Variants in GTF3C5 observed in about 807,000 individuals in gnomAD.
GTF3C5 encodes the protein general transcription factor 3C polypeptide 5.
GTF3C5 carries 47 observed loss-of-function variants against 61.0 expected under a neutral mutation model. The ratio of observed to expected loss-of-function variants is 0.77; its 90% CI spans 0.61 to 0.98. The LOEUF is 0.98. Among genes scored for constraint, GTF3C5 ranks in the 50% least tolerant of loss-of-function variants. The probability of loss-of-function intolerance (pLI) is 0.00; values close to 1 mark genes in which losing one functional copy is unlikely to be tolerated. For missense variants in GTF3C5, 659 were observed against 703.3 expected, an observed-to-expected ratio of 0.94 and a Z score of 0.71; for synonymous variants, 295 against 275.4, an observed-to-expected ratio of 1.07 and a Z score of -0.71.
chr9:133,043,174 A>T (rs1210452601), intron 2 of GTF3C5, among the ~76,000 whole-genome samples: 2 of 152,212 alleles, frequency 1.3e-5, no homozygotes, highest in African/African-American at 4.8e-5. Context: ...GGCATTTTTA[A>T]TGGCAGTCAT....
At position 133,058,036 on chromosome 9, in the gene GTF3C5, G is replaced by C; in HGVS notation, c.*56G>C. On this transcript the variant is annotated 3_prime_UTR_variant, in exon 11 of 11. Transcript: ENST00000372097. ...GCCAGACTGGTGTCTGGCCTAATGA[G>C]GGAGCCGGGGCTCCCCATTGCCACC... is the stretch of plus-strand genomic sequence containing the variant. The C allele has an allele frequency of 6.2e-7, 1 of 1,602,092 alleles. No individual in the cohort carries two copies. Among genetic ancestry groups the C allele is most frequent in the Non-Finnish European group, 8.5e-7 (1 of 1,175,136 alleles).
Position 133,056,787 on chromosome 9 carries a change from C to A in GTF3C5, c.1272C>A (p.Arg424=), listed in dbSNP as rs1829951517. 3 of 1,608,208 alleles carry A rather than the reference C, an allele frequency of 1.9e-6. No individual in the cohort carries two copies. Among genetic ancestry groups the A allele is most frequent in the Non-Finnish European group, 2.5e-6 (3 of 1,177,156 alleles). ...CCAGGTTGCAGAAGATCATTCACCG[C>A]AATGACGGGGCAGAGAATTCCTGCA... ...NVEELQKIIH[R]NDGAENSCTE... Residue 424 remains arginine (R), a synonymous_variant, in exon 10 of 11, where the codon CGC becomes CGA. Transcript: ENST00000372097.
Position 133,058,202 on chromosome 9 carries a change from G to T in GTF3C5, c.*222G>T. 1.5e-6 allele frequency: 2 copies of T among 1,333,104 alleles called. No homozygotes were observed. The highest frequency in any genetic ancestry group is 1.9e-6 in the Non-Finnish European group (2 of 1,037,466). The allele number at this position is 1,333,104 out of a possible 1,614,324, so 82.6% of individuals were successfully genotyped here. On this transcript the variant is annotated 3_prime_UTR_variant, in exon 11 of 11. Transcript: ENST00000372097. ...GAGGGGTTAGGGACATCCCCAAAGG[G>T]TATACCCTGGCTCTGCCACCCATGA...
At chr9:133,043,324 C>T (rs1048970253) in intron 2 of GTF3C5, among the ~76,000 whole-genome samples, 1 of 152,222 alleles carries the variant, frequency 6.6e-6, no homozygotes, top group African/African-American at 2.4e-5. Flanking sequence ...TCTGGACTGG[C>T]AGCATCAGCC....
intron 2 of GTF3C5, among the ~76,000 whole-genome samples, chr9:133,042,616 CA>C (rs1000375059): frequency 2.6e-5 from 4 of 152,200 alleles, no homozygotes; most frequent in African/African-American, 9.6e-5. Flanking sequence ...GTCTTTCCCC[CA>C]CCACAGTGTT....
chr9:133,031,020 G>T lies in GTF3C5; in HGVS notation c.9G>T (p.Ala3=). 1 of 1,612,074 alleles carries T rather than the reference G, an allele frequency of 6.2e-7. No individual in the cohort carries two copies. The highest frequency in any genetic ancestry group is 8.5e-7 in the Non-Finnish European group (1 of 1,179,094). ...CTGCCAGACGCACAGGGATGGCGGC[G>T]GAGGCGGCCGATTTGGGGCTGGGGG... is the stretch of plus-strand genomic sequence containing the variant. MA[A]EAADLGLGAA... Residue 3 remains alanine (A), a synonymous_variant, in exon 1 of 11, where the codon GCG becomes GCT. Transcript: ENST00000372097.
At position 133,034,066 on chromosome 9, in the gene GTF3C5, C is replaced by T. The variant is rs118173858; in HGVS notation, c.153+2902C>T. Among the ~76,000 whole-genome samples the T allele has an allele frequency of 7.5e-3, 1,135 of 152,208 alleles. 48 individuals carry two copies. Among genetic ancestry groups the T allele is most frequent in the Admixed American group, 0.061 (928 of 15,294 alleles). Reference sequence around the variant, plus strand: ...CGTCCTGTAACATCTGCTCCTAACCCGTACCGTCCGAATACAGAGGGTTCT... The same window carrying T: ...CGTCCTGTAACATCTGCTCCTAACCTGTACCGTCCGAATACAGAGGGTTCT... On this transcript the variant is annotated intron_variant, in intron 1 of 10. Coordinates refer to ENST00000372097, the MANE Select transcript of GTF3C5 (RefSeq NM_012087.4).
chr9:133,054,157 T>C (rs1314273452), intron 6 of GTF3C5, among the ~76,000 whole-genome samples: 2 of 152,182 alleles, frequency 1.3e-5, no homozygotes, highest in African/African-American at 4.8e-5. Flanking sequence ...TGAACCACAG[T>C]CCCTCATTAA....
chr9:133,042,388 T>A (rs1285485039), intron 2 of GTF3C5, 82 bp downstream of exon 2: 1 of 927,962 alleles, frequency 1.1e-6, no homozygotes. Flanking sequence ...GTGGGTCATC[T>A]GCACCAGTGG....
intron 1 of GTF3C5, among the ~76,000 whole-genome samples, chr9:133,041,464 T>TCTCC (rs1420009781): frequency 6.6e-6 from 1 of 151,058 alleles, no homozygotes; most frequent in African/African-American, 2.4e-5. Context: ...TGTCTCTCTC[T>TCTCC]CTCCCTCTCT....
chr9:133,043,691 G>T (rs770387751), intron 2 of GTF3C5, 37 bp from the exon 3 acceptor site: 2 of 1,548,942 alleles, frequency 1.3e-6, no homozygotes, highest in Non-Finnish European at 1.8e-6. Context: ...CCCATTCCTG[G>T]ACTCAATGTC....
chr9:133,031,029 C>T lies in GTF3C5; in HGVS notation c.18C>T (p.Ala6=), dbSNP rs532036458. The T allele has an allele frequency of 1.2e-5, 20 of 1,612,132 alleles. No homozygotes were observed. The highest frequency in any genetic ancestry group is 9.9e-5 in the South Asian group (9 of 90,814). ...GCACAGGGATGGCGGCGGAGGCGGC[C>T]GATTTGGGGCTGGGGGCCGCCGTCC... MAAEA[A]DLGLGAAVPV... is the part of the protein sequence containing the mutation. The change falls in exon 1 of 11, where the codon GCC becomes GCT. Residue 6 remains alanine (A), a synonymous_variant. Transcript: ENST00000372097.
At chr9:133,035,085 A>G (rs7849793) in intron 1 of GTF3C5, among the ~76,000 whole-genome samples, 2,451 of 152,060 alleles carry the variant, frequency 0.016, 90 homozygotes, top group African/African-American at 0.057. Context: ...TTCCCCTGCT[A>G]TGTCTAGTAC....
chr9:133,050,632 C>G (rs1850341598), intron 3 of GTF3C5, 151 bp from the exon 4 acceptor site: 1 of 591,048 alleles, frequency 1.7e-6, no homozygotes, highest in African/African-American at 1.9e-5. Flanking sequence ...TAGCAGCCAA[C>G]TCTGGGGTCC....
chr9:133,050,920 C>T lies in GTF3C5; in HGVS notation c.710C>T (p.Thr237Met), dbSNP rs200466713. 35 of 1,613,638 alleles carry T rather than the reference C, an allele frequency of 2.2e-5. No homozygotes were observed. The highest frequency in any genetic ancestry group is 3.3e-5 in the South Asian group (3 of 91,012). Residue 237 changes from threonine (T) to methionine (M), a missense_variant, in exon 4 of 11, where the codon ACG becomes ATG. Thr to Met is a moderately conservative substitution (Grantham distance 81). Coordinates refer to ENST00000372097, the MANE Select transcript of GTF3C5 (RefSeq NM_012087.4). Reference protein sequence around the residue: ...PKQPLEAAAQTWRRVCTNPVD... With the variant: ...PKQPLEAAAQMWRRVCTNPVD... ...CAGCCACTGGAGGCTGCAGCCCAGA[C>T]GTGGAGGAGAGTCTGCACTAACCCC...
In GTF3C5 at chr9:133,057,981, CAG is replaced by C. The variant is rs1348637957; in HGVS notation, c.*2_*3del. On this transcript the variant is annotated 3_prime_UTR_variant, in exon 11 of 11. Coordinates refer to ENST00000372097, the MANE Select transcript of GTF3C5 (RefSeq NM_012087.4). ...GACAGAGATTCTGGACTACGTGTGA[CAG>C]GGCCCAAGGCTGGGCCTCCCTGACC... 3 of 1,613,722 alleles carry C rather than the reference CAG, an allele frequency of 1.9e-6. No individual in the cohort carries two copies. The highest frequency in any genetic ancestry group is 2.5e-6 in the Non-Finnish European group (3 of 1,179,988).
chr9:133,046,369 T>C (rs1306828486), intron 3 of GTF3C5, among the ~76,000 whole-genome samples: 2 of 152,130 alleles, frequency 1.3e-5, no homozygotes, highest in African/African-American at 4.8e-5. Flanking sequence ...AAGAGCGGAC[T>C]CTGTGGACTG....
chr9:133,053,794 C>T, intron 5 of GTF3C5, 34 bp from the exon 6 acceptor site: 1 of 1,419,598 alleles, frequency 7.0e-7, no homozygotes, highest in South Asian at 1.2e-5. Context: ...GGGCCTTCAC[C>T]TCACCTCACA....
At position 133,054,728 on chromosome 9, in the gene GTF3C5, C is replaced by G. The variant is rs1829876495; in HGVS notation, c.1086C>G (p.Thr362=). The change falls in exon 8 of 11, where the codon ACC becomes ACG. Residue 362 remains threonine (T), a synonymous_variant. Coordinates refer to ENST00000372097, the MANE Select transcript of GTF3C5 (RefSeq NM_012087.4). ...TVKKTSSQLV[T]MHDLKQGLGP... ...CCCACGCAGCCAGCCAGCTTGTCAC[C>G]ATGCATGACCTGAAGCAGGGCCTGG... 2 of 1,575,194 alleles carry G rather than the reference C, an allele frequency of 1.3e-6. No individual in the cohort carries two copies. The highest frequency in any genetic ancestry group is 2.7e-5 in the African/African-American group (2 of 74,460).
Sources: allele counts gnomAD v4.1 joint callset (sites outside exome capture counted in the v4.1 genomes callset), GRCh38; gene constraint gnomAD v4.1.1; transcripts MANE v1.5; gene names NCBI Gene and HGNC (gene_info 2026-07-23, HGNC 2026-07-21).